Variants in PLEKHA7 observed in about 807,000 individuals in gnomAD.
PLEKHA7 encodes pleckstrin homology domain-containing family A member 7.
Under a neutral mutation model 170.0 loss-of-function variants are expected in PLEKHA7, and 104 were observed. The observed-to-expected ratio is 0.61, with a 90% CI of 0.52 to 0.72. The LOEUF (loss-of-function observed/expected upper bound fraction) is 0.72. PLEKHA7 is among the 30% of genes least tolerant of loss of function. The probability of loss-of-function intolerance (pLI) is 0.00; values close to 1 mark genes in which losing one functional copy is unlikely to be tolerated. For missense variants in PLEKHA7, 1,615 were observed against 1,671.7 expected, an observed-to-expected ratio of 0.97 and a Z score of 0.59; for synonymous variants, 648 against 660.8, an observed-to-expected ratio of 0.98 and a Z score of 0.30.
intron 3 of PLEKHA7, among the ~76,000 whole-genome samples, chr11:16,982,780 T>TACACAC (rs35725815): frequency 0.22 from 32,160 of 143,824 alleles, 4,025 homozygotes; most frequent in Middle Eastern, 0.38. Flanking sequence ...CACTATCCCC[T>TACACAC]ACACACACAC....
intron 9 of PLEKHA7, among the ~76,000 whole-genome samples, chr11:16,833,656 T>A (rs1311160033): frequency 6.6e-6 from 1 of 152,204 alleles, no homozygotes; most frequent in Non-Finnish European, 1.5e-5. Context: ...ATGGACAACC[T>A]GCAATCCCTG....
intron 17 of PLEKHA7, among the ~76,000 whole-genome samples, chr11:16,799,552 C>T (rs1001044374): frequency 6.6e-6 from 1 of 151,940 alleles, no homozygotes; most frequent in African/African-American, 2.4e-5. Flanking sequence ...AAAAAAATTA[C>T]TGCTAAAAAT....
At chr11:16,872,211 C>G (rs967076612) in intron 3 of PLEKHA7, among the ~76,000 whole-genome samples, 1 of 152,074 alleles carries the variant, frequency 6.6e-6, no homozygotes, top group African/African-American at 2.4e-5. Flanking sequence ...TCAAGTGACC[C>G]ACCCACCTCA....
chr11:16,982,263 G>A (rs1863474754), intron 3 of PLEKHA7, among the ~76,000 whole-genome samples: 1 of 152,272 alleles, frequency 6.6e-6, no homozygotes. Flanking sequence ...AAGGGCAAAT[G>A]CAGGCTCCCT....
At position 16,906,742 on chromosome 11, in the gene PLEKHA7, G is replaced by A. The variant is rs1358601489; in HGVS notation, c.222-35560C>T. 7.8e-5 allele frequency among the ~76,000 whole-genome samples: 11 copies of A among 141,068 alleles called. 1 individual carries two copies. Among genetic ancestry groups the A allele is most frequent in the African/African-American group, 1.2e-4 (4 of 33,442 alleles). 92.5% of individuals were successfully genotyped at this position (141,068 alleles called of 152,430 possible). ...CCGAGATTGCAGCCTCTGCCCGGCCGCCACCCCGTCTGGGAAGTGAGGAGC... is the reference window on the plus strand; with the variant it reads ...CCGAGATTGCAGCCTCTGCCCGGCCACCACCCCGTCTGGGAAGTGAGGAGC... On this transcript the variant is annotated intron_variant, in intron 3 of 26. Coordinates refer to ENST00000531066, the MANE Select transcript of PLEKHA7 (RefSeq NM_001329630.2).
At chr11:16,951,945 T>G (rs1462114793) in intron 3 of PLEKHA7, among the ~76,000 whole-genome samples, 4 of 152,208 alleles carry the variant, frequency 2.6e-5, no homozygotes, top group African/African-American at 9.6e-5. Context: ...CAGAGGAAAC[T>G]AAGGTCTAAC....
intron 3 of PLEKHA7, among the ~76,000 whole-genome samples, chr11:16,914,463 G>A (rs1565109859): frequency 3.3e-5 from 5 of 152,128 alleles, no homozygotes; most frequent in Admixed American, 3.3e-4. Flanking sequence ...ATGGCCCTGC[G>A]TACCCACTGC....
rs138820754 is a variant in PLEKHA7, at chr11:16,992,325, G to A, written c.221+21664C>T. Among the ~76,000 whole-genome samples, 551 of 152,358 alleles carry A rather than the reference G, an allele frequency of 3.6e-3. 3 individuals are homozygous for A. The highest frequency in any genetic ancestry group is 6.0e-3 in the Non-Finnish European group (405 of 68,038). On this transcript the variant is annotated intron_variant, in intron 3 of 26. Coordinates refer to ENST00000531066, the MANE Select transcript of PLEKHA7 (RefSeq NM_001329630.2). The stretch of plus-strand genomic sequence containing the variant: ...GAACTCCTTCATAAGGAAGCCCGGT[G>A]AGGCAGCTTGGTGATATGGGTTCAA...
At chr11:16,933,203 A>G (rs1293111581) in intron 3 of PLEKHA7, among the ~76,000 whole-genome samples, 1 of 152,234 alleles carries the variant, frequency 6.6e-6, no homozygotes, top group Non-Finnish European at 1.5e-5. Context: ...ACTTTTTGAA[A>G]TGAGTACTAT....
intron 6 of PLEKHA7, 22 bp downstream of exon 6, chr11:16,854,867 T>C (rs527344565): frequency 1.9e-6 from 3 of 1,603,528 alleles, no homozygotes; most frequent in Non-Finnish European, 2.6e-6. Context: ...CCTCCAGGAT[T>C]CTCACTCCTC....
In PLEKHA7 at chr11:16,817,342, A is replaced by G. The variant is rs1849848998; in HGVS notation, c.1344-20T>C. On this transcript the variant is annotated intron_variant, in intron 10 of 26. Coordinates refer to ENST00000531066, the MANE Select transcript of PLEKHA7 (RefSeq NM_001329630.2). The surrounding 1 kb of genome is among the most constrained non-coding windows in gnomAD (Gnocchi z 4.4). ...GGAAGACTGAGGAGAAAGGGTAAGA[A>G]CGGGTCAGGCAACCAAGCGAGGGTT... is the stretch of plus-strand genomic sequence containing the variant. 1 of 1,584,746 alleles carries G rather than the reference A, an allele frequency of 6.3e-7. No individual in the cohort carries two copies.
At chr11:16,963,638 G>A (rs375668588) in intron 3 of PLEKHA7, among the ~76,000 whole-genome samples, 2 of 152,104 alleles carry the variant, frequency 1.3e-5, no homozygotes, top group Non-Finnish European at 2.9e-5. Context: ...TGATGAACAT[G>A]TCCCCTGGGG....
chr11:16,860,482 AC>A (rs1853857464), intron 4 of PLEKHA7, among the ~76,000 whole-genome samples: 1 of 152,098 alleles, frequency 6.6e-6, no homozygotes, highest in African/African-American at 2.4e-5. Context: ...AATGATCACC[AC>A]CTCTTCAGGA....
chr11:16,779,465 G>A (rs1848860420), intron 26 of PLEKHA7, among the ~76,000 whole-genome samples: 1 of 152,192 alleles, frequency 6.6e-6, no homozygotes, highest in Non-Finnish European at 1.5e-5. Flanking sequence ...AGCCATGGGG[G>A]CACCAAAACC....
intron 13 of PLEKHA7, among the ~76,000 whole-genome samples, chr11:16,809,789 C>G (rs1023015087): frequency 6.6e-6 from 1 of 152,310 alleles, no homozygotes; most frequent in South Asian, 2.1e-4. Flanking sequence ...CTTGTAGCTG[C>G]CATCCACGTG....
At chr11:16,832,083 T>C (rs1851161628) in intron 9 of PLEKHA7, among the ~76,000 whole-genome samples, 1 of 152,214 alleles carries the variant, frequency 6.6e-6, no homozygotes, top group Non-Finnish European at 1.5e-5. Flanking sequence ...GCCTGGGATT[T>C]AGACTTTGCT....
At chr11:16,926,217 C>T (rs1426986395) in intron 3 of PLEKHA7, among the ~76,000 whole-genome samples, 1 of 152,220 alleles carries the variant, frequency 6.6e-6, no homozygotes, top group Non-Finnish European at 1.5e-5. Flanking sequence ...CCCAGGAGGC[C>T]GCTATCAGGC....
intron 3 of PLEKHA7, among the ~76,000 whole-genome samples, chr11:16,977,649 C>T (rs989637656): frequency 2.6e-5 from 4 of 152,078 alleles, no homozygotes; most frequent in Non-Finnish European, 5.9e-5. Context: ...CCCATCCTGC[C>T]CCAACTCAGA....
intron 3 of PLEKHA7, among the ~76,000 whole-genome samples, chr11:16,997,480 G>A (rs569995369): frequency 7.7e-4 from 118 of 152,258 alleles, no homozygotes; most frequent in African/African-American, 2.7e-3. Context: ...AACAAAGACC[G>A]GCAATCTGTC....
Sources: gnomAD v4.1 joint callset for allele counts (sites outside exome capture counted in the v4.1 genomes callset) on GRCh38, gnomAD v4.1.1 for gene constraint, Gnocchi (gnomAD v3.1) non-coding constraint, MANE v1.5 for transcripts, NCBI Gene and HGNC (gene_info 2026-07-23, HGNC 2026-07-21) for gene names.